The following ANKRD12 variants were observed in gnomAD, a reference collection of about 807,000 sequenced individuals.
ANKRD12 encodes ankyrin repeat domain 12, also known as ankyrin repeat domain-containing protein 12.
In ANKRD12, 85 loss-of-function variants were observed where a neutral mutation model predicts 183.4. That is an observed-to-expected ratio of 0.46 (90% confidence interval 0.39 to 0.56). The LOEUF is 0.56. Ranked by LOEUF, ANKRD12 falls within the 20% of genes least tolerant of loss-of-function variation. ANKRD12 has a pLI of 0.00. For missense variants in ANKRD12, 2,405 were observed against 2,357.1 expected, an observed-to-expected ratio of 1.02 and a Z score of -0.42; for synonymous variants, 914 against 800.2, an observed-to-expected ratio of 1.14 and a Z score of -2.40.
chr18:9,200,277 G>A (rs963780542), intron 3 of ANKRD12, among the ~76,000 whole-genome samples: 12 of 152,194 alleles, frequency 7.9e-5, no homozygotes, highest in African/African-American at 2.4e-4. Flanking sequence ...TAGCTCTATC[G>A]TAGTACTATA....
chr18:9,167,326 A>G (rs2032185058), intron 1 of ANKRD12, among the ~76,000 whole-genome samples: 1 of 152,160 alleles, frequency 6.6e-6, no homozygotes, highest in Admixed American at 6.5e-5. Context: ...CGTTGTCATG[A>G]TATTGATTCT....
intron 6 of ANKRD12, among the ~76,000 whole-genome samples, chr18:9,215,659 A>G (rs188674752): frequency 2.0e-5 from 3 of 152,214 alleles, no homozygotes; most frequent in Non-Finnish European, 1.5e-5. Flanking sequence ...GTCTGGAAGG[A>G]TTACACCATT....
intron 1 of ANKRD12, among the ~76,000 whole-genome samples, chr18:9,170,455 A>T (rs988918127): frequency 6.6e-6 from 1 of 151,936 alleles, no homozygotes; most frequent in African/African-American, 2.4e-5. Context: ...CATTTCATTC[A>T]TTTGATCTTC....
intron 8 of ANKRD12, among the ~76,000 whole-genome samples, chr18:9,247,643 A>G (rs1295985387): frequency 1.3e-5 from 2 of 152,134 alleles, no homozygotes; most frequent in African/African-American, 4.8e-5. Context: ...ATATCTTAGT[A>G]TCTTTTAATC....
chr18:9,206,490 T>C (rs2035491111), intron 4 of ANKRD12, among the ~76,000 whole-genome samples: 1 of 152,048 alleles, frequency 6.6e-6, no homozygotes, highest in Non-Finnish European at 1.5e-5. Context: ...AAACGCATAC[T>C]TTGGGACATA....
intron 1 of ANKRD12, among the ~76,000 whole-genome samples, chr18:9,160,437 A>T (rs979250188): frequency 2.0e-5 from 3 of 149,568 alleles, no homozygotes; most frequent in African/African-American, 7.5e-5. Context: ...TATATAATCC[A>T]GTGGTTTTTT....
At chr18:9,264,264 T>A (rs1261915854) in intron 10 of ANKRD12, among the ~76,000 whole-genome samples, 1 of 152,216 alleles carries the variant, frequency 6.6e-6, no homozygotes, top group Non-Finnish European at 1.5e-5. Context: ...TGCTTATTTG[T>A]CCACGTAGGT....
chr18:9,145,525 A>G (rs1023194118), intron 1 of ANKRD12, among the ~76,000 whole-genome samples: 1 of 152,204 alleles, frequency 6.6e-6, no homozygotes, highest in African/African-American at 2.4e-5. Context: ...TTGCTGTGGA[A>G]AGGAACATGG....
At chr18:9,178,992 T>G (rs967138024) in intron 1 of ANKRD12, among the ~76,000 whole-genome samples, 1 of 152,222 alleles carries the variant, frequency 6.6e-6, no homozygotes, top group Non-Finnish European at 1.5e-5. Flanking sequence ...TCACCATGTA[T>G]TCTTACACAT....
chr18:9,216,324 A>G (rs1004122257), intron 6 of ANKRD12, among the ~76,000 whole-genome samples: 2 of 152,110 alleles, frequency 1.3e-5, no homozygotes, highest in African/African-American at 4.8e-5. Flanking sequence ...CTTCTACTTA[A>G]TGAATAATAG....
chr18:9,141,870 CTA>C (rs2078328007), intron 1 of ANKRD12, among the ~76,000 whole-genome samples: 1 of 152,144 alleles, frequency 6.6e-6, no homozygotes, highest in Non-Finnish European at 1.5e-5. Context: ...AGATTAATCT[CTA>C]ATAATATGCA....
At chr18:9,186,873 TC>T (rs539407887) in intron 2 of ANKRD12, among the ~76,000 whole-genome samples, 186 of 149,378 alleles carry the variant, frequency 1.2e-3, no homozygotes, top group African/African-American at 4.4e-3. Flanking sequence ...TGCCTCAGCC[TC>T]CCGAGTAGCT....
intron 1 of ANKRD12, among the ~76,000 whole-genome samples, chr18:9,175,520 CCTCT>C (rs1252860160): frequency 2.9e-5 from 2 of 68,268 alleles, no homozygotes; most frequent in African/African-American, 4.0e-5. Flanking sequence ...TTCAAAGGCT[CCTCT>C]TTTTTTTTTT....
intron 3 of ANKRD12, among the ~76,000 whole-genome samples, chr18:9,198,715 A>G (rs796278915): frequency 3.3e-5 from 5 of 151,860 alleles, no homozygotes; most frequent in African/African-American, 1.2e-4. Flanking sequence ...ATGCCTGGCT[A>G]ATTTTCATAT....
intron 1 of ANKRD12, chr18:9,137,186 C>T (rs2078132594): frequency 6.6e-6 from 1 of 150,786 alleles, no homozygotes; most frequent in African/African-American, 2.4e-5. Context: ...CAGTGACAGG[C>T]CGTTAGTGCC....
Position 9,257,676 on chromosome 18 carries a change from A to G in ANKRD12, c.4409A>G (p.Gln1470Arg). Residue 1470 changes from glutamine to arginine, a missense_variant, in exon 9 of 13, where the codon CAG becomes CGG. Transcript: ENST00000262126. ...KENADFLSLR[Q>R]TELPGNSCAQ... ...AATGCTGATTTTTTATCCCTGCGCC[A>G]GACTGAACTGCCAGGAAACTCTTGT... The G allele has an allele frequency of 6.2e-7, 1 of 1,614,098 alleles. No homozygotes were observed. Among genetic ancestry groups the G allele is most frequent in the East Asian group, 2.2e-5 (1 of 44,884 alleles).
chr18:9,271,198 A>G (rs1294898486), intron 10 of ANKRD12, among the ~76,000 whole-genome samples: 3 of 152,076 alleles, frequency 2.0e-5, no homozygotes, highest in Non-Finnish European at 1.5e-5. Flanking sequence ...CAGCCTCCCA[A>G]ATAGCTTGGA....
At position 9,182,318 on chromosome 18, in the gene ANKRD12, T is replaced by G. The variant is rs557225437; in HGVS notation, c.-51-64T>G. The G allele has an allele frequency of 4.5e-4, 232 of 511,232 alleles. 3 individuals are homozygous for G. The highest frequency in any genetic ancestry group is 4.2e-3 in the African/African-American group (212 of 50,084). 31.7% of individuals were successfully genotyped at this position (511,232 alleles called of 1,614,324 possible). On this transcript the variant is annotated intron_variant, in intron 1 of 12. Coordinates refer to ENST00000262126, the MANE Select transcript of ANKRD12 (RefSeq NM_015208.5). The stretch of plus-strand genomic sequence containing the variant: ...AAAACAGAGAGAAAACAAATTGGAC[T>G]AATTGTGGTGCGTAACCTATTGTAT...
At chr18:9,165,505 C>CT (rs1005770794) in intron 1 of ANKRD12, among the ~76,000 whole-genome samples, 29 of 152,096 alleles carry the variant, frequency 1.9e-4, no homozygotes, top group African/African-American at 6.5e-4. Flanking sequence ...TGAACACTGA[C>CT]TCTGCATTCC....
Sources: gnomAD v4.1 joint callset for allele counts (sites outside exome capture counted in the v4.1 genomes callset) on GRCh38, gnomAD v4.1.1 for gene constraint, MANE v1.5 for transcripts, NCBI Gene and HGNC (gene_info 2026-07-23, HGNC 2026-07-21) for gene names.